Variants in INTS4 observed in about 807,000 individuals in gnomAD.
INTS4 encodes the protein MSTP093.
A neutral mutation model predicts 119.5 loss-of-function variants in INTS4; 70 were observed. That is an observed-to-expected ratio of 0.59 (90% CI 0.48 to 0.71). The LOEUF (loss-of-function observed/expected upper bound fraction) is 0.71, where lower values mean the gene tolerates loss of function less well. Ranked by LOEUF, INTS4 falls within the 30% of genes least tolerant of loss-of-function variation. INTS4 has a pLI of 0.00. For missense variants in INTS4, 867 were observed against 1,173.2 expected, an observed-to-expected ratio of 0.74 and a Z score of 3.81; for synonymous variants, 316 against 419.6, an observed-to-expected ratio of 0.75 and a Z score of 3.02.
intron 22 of INTS4, among the ~76,000 whole-genome samples, chr11:77,881,466 C>T (rs547347670): frequency 1.3e-5 from 2 of 152,292 alleles, no homozygotes; most frequent in South Asian, 2.1e-4. Flanking sequence ...TGCCCCAAAC[C>T]GGAAGGGACA....
intron 4 of INTS4, among the ~76,000 whole-genome samples, chr11:77,971,705 T>C (rs1329919328): frequency 1.3e-5 from 2 of 152,208 alleles, no homozygotes; most frequent in Non-Finnish European, 2.9e-5. Context: ...AAATATTTTT[T>C]CCCATACTGT....
At chr11:77,989,430 C>T (rs1416887930) in intron 2 of INTS4, among the ~76,000 whole-genome samples, 1 of 151,770 alleles carries the variant, frequency 6.6e-6, no homozygotes, top group Non-Finnish European at 1.5e-5. Flanking sequence ...TATTACACTC[C>T]AGCCTGGGCA....
At chr11:77,880,030 CAT>C (rs2136347580) in intron 22 of INTS4, among the ~76,000 whole-genome samples, 1 of 152,296 alleles carries the variant, frequency 6.6e-6, no homozygotes, top group South Asian at 2.1e-4. Flanking sequence ...AGCAGTTACT[CAT>C]TCTATTAACC....
chr11:77,953,217 A>G (rs1954237296), intron 8 of INTS4, among the ~76,000 whole-genome samples: 2 of 152,168 alleles, frequency 1.3e-5, no homozygotes, highest in East Asian at 1.9e-4. Context: ...TCAGCCAACA[A>G]TCTCACCAAG....
chr11:77,875,210 T>C (rs994871655), downstream of INTS4, among the ~76,000 whole-genome samples: 3 of 152,214 alleles, frequency 2.0e-5, no homozygotes, highest in Admixed American at 1.3e-4. Context: ...TCTGGAGACA[T>C]AGAATCATTC....
rs770976360 is a variant in INTS4 at position 77,960,967 on chromosome 11, C to T, written c.643G>A (p.Ala215Thr). 1 of 1,603,740 alleles carries T rather than the reference C, an allele frequency of 6.2e-7. No individual in the cohort carries two copies. The highest frequency in any genetic ancestry group is 1.3e-5 in the African/African-American group (1 of 74,394). ...SDQDPRVRTA[A>T]IKAMLQLHER... is the part of the protein sequence containing the mutation. ...ATCACATTTACCATGGCTTTTATAG[C>T]TGCTGTTCTGACACGTGGGTCTTGG... The change falls in exon 5 of 23, where the codon GCT becomes ACT. Residue 215 changes from alanine to threonine, a missense_variant. Physicochemically the swap from Ala to Thr is moderately conservative, Grantham distance 58. Coordinates refer to ENST00000534064, the MANE Select transcript of INTS4 (RefSeq NM_033547.4).
At chr11:77,909,441 A>AAG (rs1375947419) in intron 15 of INTS4, among the ~76,000 whole-genome samples, 1 of 152,246 alleles carries the variant, frequency 6.6e-6, no homozygotes, top group Admixed American at 6.5e-5. Flanking sequence ...ATTTCCTCAT[A>AAG]GGTTGCACCT....
chr11:77,981,856 G>C (rs1363195839), intron 2 of INTS4, among the ~76,000 whole-genome samples: 1 of 152,022 alleles, frequency 6.6e-6, no homozygotes, highest in Non-Finnish European at 1.5e-5. Context: ...CTGCCGGGGA[G>C]ACAGCTTTCT....
chr11:77,975,683 T>A (rs1242695639), intron 4 of INTS4, among the ~76,000 whole-genome samples: 5 of 151,814 alleles, frequency 3.3e-5, no homozygotes, highest in Non-Finnish European at 7.4e-5. Flanking sequence ...ACAGGCCGGG[T>A]GCAGTGGCTC....
At chr11:77,991,338 A>T in intron 1 of INTS4, 39 bp from the exon 2 acceptor site, 2 of 1,516,488 alleles carry the variant, frequency 1.3e-6, no homozygotes, top group Non-Finnish European at 1.8e-6. Context: ...CAGAATCTGC[A>T]AATTTAACTT....
At chr11:77,892,063 C>CT (rs1421152525) in intron 19 of INTS4, among the ~76,000 whole-genome samples, 1 of 152,184 alleles carries the variant, frequency 6.6e-6, no homozygotes, top group Non-Finnish European at 1.5e-5. Context: ...CAGGCATACT[C>CT]TTAAGTGTTT....
In INTS4 at chr11:77,884,012, TGA is replaced by T. The variant is rs1266134679; in HGVS notation, c.2593-62_2593-61del. ...CGAGAGGAGCATTTAACAAAATGGA[TGA>T]TGACATCTGTTGTGAACCTCAAAAC... On this transcript the variant is annotated intron_variant, in intron 21 of 22. Coordinates refer to ENST00000534064, the MANE Select transcript of INTS4 (RefSeq NM_033547.4). 2.5e-4 allele frequency: 387 copies of T among 1,550,690 alleles called. 1 individual carries two copies. The African/African-American group carries it at 4.3e-3, about 17-fold the overall frequency.
intron 5 of INTS4, among the ~76,000 whole-genome samples, chr11:77,960,606 T>C (rs927337475): frequency 2.0e-5 from 3 of 151,976 alleles, no homozygotes; most frequent in African/African-American, 7.3e-5. Context: ...CAAGAAGGTA[T>C]TAGAAAAATA....
chr11:77,937,910 C>T (rs190577322), intron 10 of INTS4, among the ~76,000 whole-genome samples: 1,836 of 152,054 alleles, frequency 0.012, 36 homozygotes, highest in African/African-American at 0.041. Context: ...TGCAGTGGCA[C>T]GATCTCAGCT....
intron 1 of INTS4, 75 bp downstream of exon 1, chr11:77,994,515 T>G: frequency 8.3e-7 from 1 of 1,200,164 alleles, no homozygotes; most frequent in Non-Finnish European, 1.2e-6. Flanking sequence ...CCTCTTCTGT[T>G]CCGGCAAAGT....
intron 21 of INTS4, among the ~76,000 whole-genome samples, chr11:77,889,901 C>G (rs751013005): frequency 6.6e-6 from 1 of 152,146 alleles, no homozygotes; most frequent in Non-Finnish European, 1.5e-5. Context: ...AGTAACCTGC[C>G]TACAATCTCC....
intron 2 of INTS4, among the ~76,000 whole-genome samples, chr11:77,989,270 C>T (rs1856570958): frequency 6.6e-6 from 1 of 151,694 alleles, no homozygotes; most frequent in Non-Finnish European, 1.5e-5. Flanking sequence ...GGTGGATCAC[C>T]CGAGGTCTGG....
At chr11:77,923,144 C>T (rs1002430130) in intron 12 of INTS4, among the ~76,000 whole-genome samples, 1 of 151,990 alleles carries the variant, frequency 6.6e-6, no homozygotes, top group Admixed American at 6.6e-5. Context: ...ATGGTGAAAC[C>T]CCATCTCTGC....
chr11:77,933,577 C>T (rs1024112283), intron 10 of INTS4, among the ~76,000 whole-genome samples: 1 of 152,190 alleles, frequency 6.6e-6, no homozygotes, highest in African/African-American at 2.4e-5. Context: ...CTCGCTACAA[C>T]CTCCACCTCC....
Sources: allele counts gnomAD v4.1 joint callset (sites outside exome capture counted in the v4.1 genomes callset), GRCh38; gene constraint gnomAD v4.1.1; transcripts MANE v1.5; gene names NCBI Gene and HGNC (gene_info 2026-07-23, HGNC 2026-07-21).